The following NAA50 variants were observed in gnomAD, a reference collection of about 807,000 sequenced individuals.
NAA50 encodes the protein N-alpha-acetyltransferase 50, NatE catalytic subunit.
In NAA50, 7 loss-of-function variants were observed where a neutral mutation model predicts 20.7. The ratio of observed to expected loss-of-function variants is 0.34; its 90% confidence interval spans 0.19 to 0.63. NAA50 has a LOEUF of 0.63. NAA50 is among the 30% of genes least tolerant of loss of function. The pLI is 0.75. For synonymous variants in NAA50, 54 were observed against 70.6 expected, an observed-to-expected ratio of 0.77 and a Z score of 1.18; for missense variants, 111 against 199.1, an observed-to-expected ratio of 0.56 and a Z score of 2.66.
Position 113,721,773 on chromosome 3 carries a change from T to C in NAA50, c.497A>G (p.Lys166Arg). The C allele has an allele frequency of 6.2e-7, 1 of 1,613,912 alleles. No individual in the cohort carries two copies. Residue 166 changes from lysine (K) to arginine (R), a missense_variant, in exon 5 of 5, where the codon AAG becomes AGG. Transcript: ENST00000240922. The part of the protein sequence containing the change: ...VPSGQNADVQ[K>R]TDN ...TTTGTAATTTGTTCAGTTGTCTGTC[T>C]TTTGCACATCTGCATTCTGACCAGA... is the stretch of plus-strand genomic sequence containing the variant.
rs1708065955 is a variant in NAA50, at chr3:113,717,294, A to G, written c.*4466T>C. The stretch of plus-strand genomic sequence containing the variant: ...GTTTGCAGTGAGCCAAGATCGCGCC[A>G]CTGCACTCCAGCCTGGGCGACAGAG... On this transcript the variant is annotated 3_prime_UTR_variant, in exon 5 of 5. Transcript: ENST00000240922. The G allele has an allele frequency of 6.6e-6, 1 of 152,248 alleles. No homozygotes were observed. Among genetic ancestry groups the G allele is most frequent in the Non-Finnish European group, 1.5e-5 (1 of 68,086 alleles). The allele number at this position is 152,248 out of a possible 1,614,324, so 9.4% of individuals were successfully genotyped here. A position where few individuals can be genotyped will look rare whatever the true frequency, so the allele number is the denominator to read the frequency against.
rs1236977885 is a variant in NAA50, at chr3:113,720,050, C to A, written c.*1710G>T. On this transcript the variant is annotated 3_prime_UTR_variant, in exon 5 of 5. Transcript: ENST00000240922. ...TTAAGAAACGAATACCCCCAAAAAACCAGCAAGGTCTTTCTACATTTTTAC... is the reference window on the plus strand; with the variant it reads ...TTAAGAAACGAATACCCCCAAAAAAACAGCAAGGTCTTTCTACATTTTTAC... 3 of 152,616 alleles carry A rather than the reference C, an allele frequency of 2.0e-5. No individual in the cohort carries two copies. Among genetic ancestry groups the A allele is most frequent in the Non-Finnish European group, 2.9e-5 (2 of 68,016 alleles). The allele number at this position is 152,616 out of a possible 1,614,324, so 9.5% of individuals were successfully genotyped here.
chr3:113,724,214 G>T, intron 1 of NAA50, 119 bp from the exon 2 acceptor site: 4 of 1,109,922 alleles, frequency 3.6e-6, no homozygotes, highest in Non-Finnish European at 4.8e-6. Flanking sequence ...TTTCAGAGTT[G>T]ATTTATAAGC....
At position 113,720,192 on chromosome 3, in the gene NAA50, A is replaced by G. The variant is rs1477919148; in HGVS notation, c.*1568T>C. On this transcript the variant is annotated 3_prime_UTR_variant, in exon 5 of 5. Transcript: ENST00000240922. ...ACTTTGTACTTTCACATTCTCAAAT[A>G]AAAACTTAAGGTTATAAAGTGTGCA... 1.3e-5 allele frequency: 2 copies of G among 152,638 alleles called. No homozygotes were observed. Among genetic ancestry groups the G allele is most frequent in the Non-Finnish European group, 2.9e-5 (2 of 68,016 alleles). The allele number at this position is 152,638 out of a possible 1,614,324, so 9.5% of individuals were successfully genotyped here. A position where few individuals can be genotyped will look rare whatever the true frequency, so the allele number is the denominator to read the frequency against.
At chr3:113,723,872 G>T (rs1708166588) in intron 2 of NAA50, 87 bp downstream of exon 2, 2 of 1,364,468 alleles carry the variant, frequency 1.5e-6, no homozygotes, top group East Asian at 4.9e-5. Flanking sequence ...AACTAAATTA[G>T]TTAACTTCTT....
intron 1 of NAA50, chr3:113,740,692 A>G (rs2107995013): frequency 6.1e-6 from 1 of 165,248 alleles, no homozygotes; most frequent in East Asian, 1.8e-4. Context: ...CCGAGCTTTC[A>G]CACTTTAAAA....
chr3:113,719,689 A>G lies in NAA50; in HGVS notation c.*2071T>C, dbSNP rs1032936817. On this transcript the variant is annotated 3_prime_UTR_variant, in exon 5 of 5. Transcript: ENST00000240922. Reference sequence around the variant, plus strand: ...AGGGAGCCTACACACTCAATTCAAAATTTAATATTTTTTCCTCCTTAAATA... The same window carrying G: ...AGGGAGCCTACACACTCAATTCAAAGTTTAATATTTTTTCCTCCTTAAATA... 6.6e-6 allele frequency: 1 copy of G among 152,630 alleles called. No homozygotes were observed. Among genetic ancestry groups the G allele is most frequent in the African/African-American group, 2.4e-5 (1 of 41,468 alleles). The allele number at this position is 152,630 out of a possible 1,614,324, so 9.5% of individuals were successfully genotyped here.
chr3:113,723,113 T>C, intron 3 of NAA50, 141 bp from the exon 4 acceptor site: 1 of 1,208,218 alleles, frequency 8.3e-7, no homozygotes, highest in Non-Finnish European at 1.1e-6. Flanking sequence ...TTTTCCAAAG[T>C]TGTGTTCTCT....
At chr3:113,742,814 AT>A (rs1708436623) in intron 1 of NAA50, among the ~76,000 whole-genome samples, 1 of 152,134 alleles carries the variant, frequency 6.6e-6, no homozygotes, top group Non-Finnish European at 1.5e-5. Flanking sequence ...GACATTTTTT[AT>A]TAGAACTAAT....
chr3:113,737,550 C>T (rs886076255), intron 1 of NAA50, among the ~76,000 whole-genome samples: 2 of 152,186 alleles, frequency 1.3e-5, no homozygotes, highest in African/African-American at 4.8e-5. Context: ...CTGCTACAAA[C>T]ATTTATTCTT....
At chr3:113,739,198 A>AT (rs1250948427) in intron 1 of NAA50, among the ~76,000 whole-genome samples, 1 of 152,200 alleles carries the variant, frequency 6.6e-6, no homozygotes, top group South Asian at 2.1e-4. Context: ...TATTTCTATC[A>AT]TTTTAATGTA....
chr3:113,728,654 C>T (rs984003242), intron 1 of NAA50, among the ~76,000 whole-genome samples: 1 of 152,110 alleles, frequency 6.6e-6, no homozygotes, highest in Admixed American at 6.5e-5. Context: ...CGTATATGGA[C>T]GCATTTGGTT....
At chr3:113,736,097 G>C (rs560694193) in intron 1 of NAA50, among the ~76,000 whole-genome samples, 7 of 152,184 alleles carry the variant, frequency 4.6e-5, no homozygotes, top group Non-Finnish European at 8.8e-5. Flanking sequence ...TTGCTTTACT[G>C]ATCTACTTTA....
intron 1 of NAA50, among the ~76,000 whole-genome samples, chr3:113,727,968 C>A (rs1349103899): frequency 6.6e-6 from 1 of 151,802 alleles, no homozygotes; most frequent in African/African-American, 2.4e-5. Flanking sequence ...AAATGGAATA[C>A]TTCTGTAATC....
chr3:113,742,075 A>G (rs1374185017), intron 1 of NAA50, among the ~76,000 whole-genome samples: 1 of 152,202 alleles, frequency 6.6e-6, no homozygotes, highest in East Asian at 1.9e-4. Context: ...ATTCATCTCA[A>G]CACAGCAAGG....
intron 1 of NAA50, chr3:113,741,365 A>G (rs1224213679): frequency 4.7e-6 from 1 of 214,906 alleles, no homozygotes; most frequent in Non-Finnish European, 9.3e-6. Flanking sequence ...AAATTGTGCC[A>G]TTAAGTTAGG....
At chr3:113,733,583 G>A (rs748443365) in intron 1 of NAA50, among the ~76,000 whole-genome samples, 29 of 151,442 alleles carry the variant, frequency 1.9e-4, no homozygotes, top group Non-Finnish European at 3.8e-4. Flanking sequence ...CAGGCATGGT[G>A]GCTCATGCCT....
chr3:113,739,817 GTTTTATACAACTTTGGCTT>G (rs902767106), intron 1 of NAA50, among the ~76,000 whole-genome samples: 8 of 152,118 alleles, frequency 5.3e-5, no homozygotes, highest in African/African-American at 1.9e-4. Context: ...AAAAGATCCT[GTTTTATACAACTTTGGCTT>G]TTTTATGGGT....
chr3:113,725,379 G>T (rs759639986), intron 1 of NAA50, among the ~76,000 whole-genome samples: 70 of 152,096 alleles, frequency 4.6e-4, no homozygotes, highest in Non-Finnish European at 7.2e-4. Context: ...ACAAAAACAT[G>T]CTTGAAAGGA....
Sources: allele counts gnomAD v4.1 joint callset (sites outside exome capture counted in the v4.1 genomes callset), GRCh38; gene constraint gnomAD v4.1.1; transcripts MANE v1.5; gene names NCBI Gene and HGNC (gene_info 2026-07-23, HGNC 2026-07-21).